Variants in FHIT observed in about 807,000 individuals in gnomAD.
FHIT encodes the protein fragile histidine triad diadenosine triphosphatase.
A neutral mutation model predicts 17.9 loss-of-function variants in FHIT; 19 were observed. That is an observed-to-expected ratio of 1.06 (90% CI 0.74 to 1.56). The LOEUF is 1.56. FHIT is among the 40% of genes most tolerant of loss of function. The probability of loss-of-function intolerance (pLI) is 0.00; values close to 1 mark genes in which losing one functional copy is unlikely to be tolerated. For synonymous variants in FHIT, 81 were observed against 69.7 expected (o/e 1.16, Z -0.81); for missense variants, 248 against 189.2 (o/e 1.31, Z -1.82).
intron 4 of FHIT, among the ~76,000 whole-genome samples, chr3:60,798,723 A>G (rs1455012760): frequency 3.7e-5 from 2 of 53,828 alleles, no homozygotes; most frequent in Non-Finnish European, 9.9e-5. Flanking sequence ...TCAATCATCT[A>G]TCTATTCTCA....
chr3:60,250,504 C>T (rs1705645876), intron 5 of FHIT, among the ~76,000 whole-genome samples: 1 of 152,134 alleles, frequency 6.6e-6, no homozygotes, highest in African/African-American at 2.4e-5. Flanking sequence ...CAAAGTTCAG[C>T]AGCAGTAAAG....
chr3:61,134,238 G>A lies in FHIT; in HGVS notation c.-164+66379C>T, dbSNP rs112933316. 7.3e-3 allele frequency among the ~76,000 whole-genome samples: 1,114 copies of A among 152,204 alleles called. 7 individuals are homozygous for A. The highest frequency in any genetic ancestry group is 0.01 in the Non-Finnish European group (712 of 68,026). On this transcript the variant is annotated intron_variant, in intron 2 of 9. Coordinates refer to ENST00000492590, the MANE Select transcript of FHIT (RefSeq NM_002012.4). ...TAAGCCTCAGAAAGTGGTGGGCACT[G>A]GGATTCAGGCAGTGTCTATTTCTAA...
chr3:59,806,637 T>C (rs1254905984), intron 8 of FHIT, among the ~76,000 whole-genome samples: 2 of 149,456 alleles, frequency 1.3e-5, no homozygotes, highest in African/African-American at 2.5e-5. Context: ...ACAGGGTTTA[T>C]ATATATATAT....
At chr3:61,072,273 C>T (rs1476021206) in intron 2 of FHIT, among the ~76,000 whole-genome samples, 1 of 152,140 alleles carries the variant, frequency 6.6e-6, no homozygotes, top group Non-Finnish European at 1.5e-5. Context: ...TGCCCACAAC[C>T]TATACCCAGG....
Position 61,079,789 on chromosome 3 carries a change from C to T in FHIT, c.-163-37690G>A, listed in dbSNP as rs569391643. On this transcript the variant is annotated intron_variant, in intron 2 of 9. Transcript: ENST00000492590. ...CCAAAAAAATGGATTCATAAAGTGA[C>T]AAAAAGAAGTTCATTCACTTGCCCT... Among the ~76,000 whole-genome samples, 8 of 152,198 alleles carry T rather than the reference C, an allele frequency of 5.3e-5. No homozygotes were observed. The South Asian group carries it at 1.5e-3, about 28-fold the overall frequency.
chr3:60,127,769 T>C (rs77916008), intron 5 of FHIT, among the ~76,000 whole-genome samples: 3,888 of 152,072 alleles, frequency 0.026, 152 homozygotes, highest in African/African-American at 0.087. Context: ...TCAGCTAATA[T>C]ATATATTTGT....
At chr3:60,191,447 C>T (rs1702399485) in intron 5 of FHIT, among the ~76,000 whole-genome samples, 3 of 152,126 alleles carry the variant, frequency 2.0e-5, no homozygotes, top group African/African-American at 4.8e-5. Flanking sequence ...ATTTCAAGTC[C>T]ACTGAACTGA....
chr3:60,854,581 T>C lies in FHIT; in HGVS notation c.-110-32570A>G, dbSNP rs1703297849. Among the ~76,000 whole-genome samples the C allele has an allele frequency of 2.0e-5, 3 of 150,286 alleles. No individual in the cohort carries two copies. The South Asian group carries it at 6.3e-4, about 32-fold the overall frequency. On this transcript the variant is annotated intron_variant, in intron 3 of 9. Coordinates refer to ENST00000492590, the MANE Select transcript of FHIT (RefSeq NM_002012.4). ...TTTTTTTTTTTTTTTTCCTCTGCTGTCCTTCAGTGAGGCTTTCACTTTCAT... is the reference window on the plus strand; with the variant it reads ...TTTTTTTTTTTTTTTTCCTCTGCTGCCCTTCAGTGAGGCTTTCACTTTCAT...
rs1208286890 is a variant in FHIT at position 60,428,111 on chromosome 3, C to A, written c.103+108749G>T. Reference sequence around the variant, plus strand: ...AATCTCTAAGTATTTACAAGTAGGTCTTCCAAAGTTAATGAAATTGGCACA... The same window carrying A: ...AATCTCTAAGTATTTACAAGTAGGTATTCCAAAGTTAATGAAATTGGCACA... On this transcript the variant is annotated intron_variant, in intron 5 of 9. Transcript: ENST00000492590. 6.6e-5 allele frequency among the ~76,000 whole-genome samples: 10 copies of A among 152,248 alleles called. No individual in the cohort carries two copies. In the Middle Eastern group the frequency reaches 0.014, roughly 207 times the overall value.
At position 60,438,668 on chromosome 3, in the gene FHIT, A is replaced by G. The variant is rs116343867; in HGVS notation, c.103+98192T>C. Reference sequence around the variant, plus strand: ...ACTTAAATAACAACTTGACAGTTCAAATTTAAAGAGAACTATTCCTGTTTA... The same window carrying G: ...ACTTAAATAACAACTTGACAGTTCAGATTTAAAGAGAACTATTCCTGTTTA... On this transcript the variant is annotated intron_variant, in intron 5 of 9. Coordinates refer to ENST00000492590, the MANE Select transcript of FHIT (RefSeq NM_002012.4). 5.4e-3 allele frequency among the ~76,000 whole-genome samples: 818 copies of G among 152,288 alleles called. 9 individuals carry two copies. Among genetic ancestry groups the G allele is most frequent in the African/African-American group, 0.019 (787 of 41,578 alleles).
chr3:60,565,711 G>C (rs907555254), intron 4 of FHIT, among the ~76,000 whole-genome samples: 2 of 152,178 alleles, frequency 1.3e-5, no homozygotes, highest in Admixed American at 6.5e-5. Flanking sequence ...CAAAAAACCA[G>C]CTCCTGGATT....
intron 4 of FHIT, among the ~76,000 whole-genome samples, chr3:60,555,624 A>G (rs1299901624): frequency 6.6e-6 from 1 of 152,194 alleles, no homozygotes; most frequent in Non-Finnish European, 1.5e-5. Context: ...TCCTCTCGCC[A>G]TGAGAGGCAC....
chr3:60,081,567 T>C (rs998677639), intron 5 of FHIT, among the ~76,000 whole-genome samples: 10 of 152,150 alleles, frequency 6.6e-5, no homozygotes, highest in African/African-American at 2.4e-4. Context: ...TACCAGCATA[T>C]CCTACCCAAT....
intron 5 of FHIT, among the ~76,000 whole-genome samples, chr3:60,261,440 A>T (rs1262067105): frequency 2.6e-5 from 4 of 152,036 alleles, no homozygotes; most frequent in Non-Finnish European, 5.9e-5. Flanking sequence ...CACATTCATG[A>T]GTCCTGTTGA....
intron 3 of FHIT, among the ~76,000 whole-genome samples, chr3:61,027,481 T>C (rs2032794369): frequency 6.6e-6 from 1 of 152,256 alleles, no homozygotes; most frequent in African/African-American, 2.4e-5. Context: ...CATGTATCTC[T>C]TCCTAATTCA....
At chr3:60,919,402 T>G (rs1261338346) in intron 3 of FHIT, among the ~76,000 whole-genome samples, 2 of 151,550 alleles carry the variant, frequency 1.3e-5, no homozygotes, top group Admixed American at 6.6e-5. Flanking sequence ...AACCACAGTT[T>G]TTTTTTTTTT....
chr3:61,203,586 G>A (rs544904486), intron 1 of FHIT, among the ~76,000 whole-genome samples: 1 of 152,184 alleles, frequency 6.6e-6, no homozygotes, highest in Non-Finnish European at 1.5e-5. Flanking sequence ...TAAGCATGAT[G>A]GTAAATCTGG....
intron 5 of FHIT, among the ~76,000 whole-genome samples, chr3:60,296,219 G>A (rs1708201119): frequency 6.6e-6 from 1 of 152,030 alleles, no homozygotes; most frequent in African/African-American, 2.4e-5. Context: ...TAGAGGGGAA[G>A]GGGGGAAGGA....
chr3:60,711,744 G>C (rs2041539061), intron 4 of FHIT, among the ~76,000 whole-genome samples: 1 of 152,238 alleles, frequency 6.6e-6, no homozygotes, highest in African/African-American at 2.4e-5. Flanking sequence ...AAAAAGAAAT[G>C]AACAAAGCCT....
Sources: allele counts gnomAD v4.1 joint callset (sites outside exome capture counted in the v4.1 genomes callset), GRCh38; gene constraint gnomAD v4.1.1; transcripts MANE v1.5; gene names NCBI Gene and HGNC (gene_info 2026-07-23, HGNC 2026-07-21).